FGGY: variants seen among roughly 807,000 people sequenced by gnomAD.
The protein encoded by FGGY is FGGY carbohydrate kinase domain-containing protein.
In FGGY, 72 loss-of-function variants were observed where a neutral mutation model predicts 71.3. The observed-to-expected ratio is 1.01, with a 90% CI of 0.84 to 1.23. The LOEUF (loss-of-function observed/expected upper bound fraction) is 1.23. Ranked by LOEUF, FGGY falls within the 50% of genes most tolerant of loss-of-function variation. The probability of loss-of-function intolerance (pLI) is 0.00; values close to 1 mark genes in which losing one functional copy is unlikely to be tolerated. For synonymous variants in FGGY, 251 were observed against 250.3 expected (o/e 1.00, Z -0.02); for missense variants, 668 against 682.3 (o/e 0.98, Z 0.23).
At chr1:59,567,327 A>G (rs1012370264) in intron 8 of FGGY, among the ~76,000 whole-genome samples, 8 of 152,142 alleles carry the variant, frequency 5.3e-5, no homozygotes, top group African/African-American at 1.7e-4. Context: ...AAAAATATAT[A>G]TATATATGTA....
intron 5 of FGGY, among the ~76,000 whole-genome samples, chr1:59,415,014 T>C (rs964773207): frequency 5.3e-5 from 8 of 152,128 alleles, no homozygotes; most frequent in African/African-American, 1.9e-4. Flanking sequence ...CAGATATTTG[T>C]GGAGGAGTGA....
chr1:59,306,152 G>T lies in FGGY; in HGVS notation c.-15+9002G>T, dbSNP rs7536801. Among the ~76,000 whole-genome samples, 1,296 of 152,202 alleles carry T rather than the reference G, an allele frequency of 8.5e-3. 15 individuals are homozygous for T. The highest frequency in any genetic ancestry group is 0.029 in the African/African-American group (1,218 of 41,506). ...TCTATTTTTTTCCCCATTGTTTTAA[G>T]CAGGGAGGTAAATATGGTTCCTGTC... On this transcript the variant is annotated intron_variant, in intron 1 of 15. Coordinates refer to ENST00000303721, the MANE Select transcript of FGGY (RefSeq NM_018291.5).
intron 10 of FGGY, among the ~76,000 whole-genome samples, chr1:59,636,588 A>C (rs2096962288): frequency 6.6e-6 from 1 of 152,194 alleles, no homozygotes; most frequent in South Asian, 2.1e-4. Context: ...GCGTCACTGC[A>C]CTCCAGCTTG....
chr1:59,547,652 C>G (rs542642325), intron 7 of FGGY, among the ~76,000 whole-genome samples: 1 of 152,266 alleles, frequency 6.6e-6, no homozygotes, highest in East Asian at 1.9e-4. Context: ...GTGTCAAGCA[C>G]AAAGCAATCT....
intron 5 of FGGY, among the ~76,000 whole-genome samples, chr1:59,397,666 G>A (rs905129401): frequency 2.6e-5 from 4 of 152,198 alleles, no homozygotes; most frequent in Non-Finnish European, 4.4e-5. Context: ...TCACAGGTGG[G>A]TGGGTGGTTC....
At chr1:59,741,997 A>T (rs1309639532) in intron 14 of FGGY, among the ~76,000 whole-genome samples, 1 of 151,260 alleles carries the variant, frequency 6.6e-6, no homozygotes, top group African/African-American at 2.4e-5. Context: ...CCAGCTGCTC[A>T]GGAGGCTGAG....
intron 8 of FGGY, among the ~76,000 whole-genome samples, chr1:59,574,928 A>G (rs2096053630): frequency 1.3e-5 from 2 of 152,314 alleles, no homozygotes; most frequent in South Asian, 4.1e-4. Flanking sequence ...GTTGCTGAGA[A>G]AAATAGTTAT....
At chr1:59,300,350 T>C (rs766792260) in intron 1 of FGGY, among the ~76,000 whole-genome samples, 3 of 152,240 alleles carry the variant, frequency 2.0e-5, no homozygotes, top group Non-Finnish European at 4.4e-5. Flanking sequence ...TTATTTTCTT[T>C]TTATTGAGCT....
intron 14 of FGGY, among the ~76,000 whole-genome samples, chr1:59,710,718 G>T (rs2097787874): frequency 6.6e-6 from 1 of 152,168 alleles, no homozygotes; most frequent in South Asian, 2.1e-4. Flanking sequence ...GCTCATTAGA[G>T]AAATGCAAAT....
rs555217262 is a variant in FGGY, at chr1:59,410,379, G to A, written c.554+31542G>A. 1.2e-4 allele frequency among the ~76,000 whole-genome samples: 19 copies of A among 152,256 alleles called. No homozygotes were observed. The East Asian group carries it at 3.7e-3, about 29-fold the overall frequency. On this transcript the variant is annotated intron_variant, in intron 5 of 15. Coordinates refer to ENST00000303721, the MANE Select transcript of FGGY (RefSeq NM_018291.5). ...TTTTCTCAAATTTATATCTGAGAAA[G>A]CACTCAGAAAGGTTGAGTCACTTGC... is the stretch of plus-strand genomic sequence containing the variant.
At chr1:59,580,580 T>C (rs1332480663) in intron 8 of FGGY, among the ~76,000 whole-genome samples, 1 of 152,188 alleles carries the variant, frequency 6.6e-6, no homozygotes, top group Non-Finnish European at 1.5e-5. Flanking sequence ...TTGTGTGTCT[T>C]TCAGACTCTT....
intron 14 of FGGY, among the ~76,000 whole-genome samples, chr1:59,753,614 C>G (rs1240230182): frequency 6.7e-6 from 1 of 148,444 alleles, no homozygotes; most frequent in Non-Finnish European, 1.5e-5. Context: ...AAATTGTTAC[C>G]CATGCTATCC....
At chr1:59,605,398 C>G (rs1267960747) in intron 8 of FGGY, among the ~76,000 whole-genome samples, 1 of 152,204 alleles carries the variant, frequency 6.6e-6, no homozygotes, top group Admixed American at 6.5e-5. Flanking sequence ...CTGCTTCCCT[C>G]TCAAGATCGG....
intron 4 of FGGY, among the ~76,000 whole-genome samples, chr1:59,352,089 C>T (rs1253370237): frequency 1.3e-5 from 2 of 152,056 alleles, no homozygotes; most frequent in African/African-American, 4.8e-5. Flanking sequence ...TTTTCATAAC[C>T]CCCAGCAGTC....
intron 5 of FGGY, among the ~76,000 whole-genome samples, chr1:59,423,249 T>C (rs1404723963): frequency 1.3e-5 from 2 of 152,176 alleles, no homozygotes; most frequent in East Asian, 3.8e-4. Context: ...GTATGATCTC[T>C]GGGAAACTAT....
At chr1:59,452,725 T>C (rs1557972015) in intron 5 of FGGY, among the ~76,000 whole-genome samples, 1 of 152,240 alleles carries the variant, frequency 6.6e-6, no homozygotes, top group Non-Finnish European at 1.5e-5. Context: ...GGGCTGGCAG[T>C]CACCCAACCG....
intron 8 of FGGY, among the ~76,000 whole-genome samples, chr1:59,590,942 A>G (rs2096421236): frequency 6.6e-6 from 1 of 152,210 alleles, no homozygotes; most frequent in Non-Finnish European, 1.5e-5. Context: ...TGGCCAGGGC[A>G]ATTAGGCAGG....
At chr1:59,363,983 C>T (rs1340964132) in intron 4 of FGGY, among the ~76,000 whole-genome samples, 1 of 152,156 alleles carries the variant, frequency 6.6e-6, no homozygotes, top group Admixed American at 6.5e-5. Context: ...AGTAAGGATG[C>T]ACATACCCAA....
intron 6 of FGGY, among the ~76,000 whole-genome samples, chr1:59,502,917 AT>A (rs1377036714): frequency 1.3e-5 from 2 of 152,210 alleles, no homozygotes. Flanking sequence ...GCATGTTCGG[AT>A]TTCATGACTC....
Sources: allele counts gnomAD v4.1 joint callset (sites outside exome capture counted in the v4.1 genomes callset), GRCh38; gene constraint gnomAD v4.1.1; transcripts MANE v1.5; gene names NCBI Gene and HGNC (gene_info 2026-07-23, HGNC 2026-07-21).